Variants in ANKRD31 observed in about 807,000 individuals in gnomAD.
ANKRD31 encodes the protein ankyrin repeat domain-containing protein 31.
In ANKRD31, 147 loss-of-function variants were observed where a neutral mutation model predicts 186.0. The ratio of observed to expected loss-of-function variants is 0.79; its 90% confidence interval spans 0.69 to 0.91. The LOEUF is 0.91. Among genes scored for constraint, ANKRD31 ranks in the 40% least tolerant of loss-of-function variants. The pLI is 0.00. For synonymous variants in ANKRD31, 673 were observed against 736.4 expected, an observed-to-expected ratio of 0.91 and a Z score of 1.39; for missense variants, 1,986 against 2,148.8, an observed-to-expected ratio of 0.92 and a Z score of 1.50.
chr5:75,136,344 G>T, intron 17 of ANKRD31, among the ~76,000 whole-genome samples: 1 of 152,146 alleles, frequency 6.6e-6, no homozygotes, highest in East Asian at 1.9e-4. Flanking sequence ...CCATGAAAAA[G>T]TGGGTGAAGG....
intron 1 of ANKRD31, among the ~76,000 whole-genome samples, chr5:75,232,486 A>ATTCCTGACCTTCAGGTCTCGAC: frequency 6.6e-6 from 1 of 151,362 alleles, no homozygotes; most frequent in African/African-American, 2.4e-5. Flanking sequence ...CTAGTCTCGA[A>ATTCCTGACCTTCAGGTCTCGAC]CTCCTGACCT....
chr5:75,160,751 C>T (rs1018560474), intron 11 of ANKRD31, among the ~76,000 whole-genome samples: 58 of 152,244 alleles, frequency 3.8e-4, no homozygotes, highest in Admixed American at 1.9e-3. Context: ...GCGGGAGGGA[C>T]GCAGTGGGAG....
intron 10 of ANKRD31, among the ~76,000 whole-genome samples, chr5:75,188,099 T>G (rs1417938058): frequency 6.6e-6 from 1 of 152,122 alleles, no homozygotes; most frequent in African/African-American, 2.4e-5. Flanking sequence ...CTGCTGTACA[T>G]CTACCATTTC....
intron 17 of ANKRD31, among the ~76,000 whole-genome samples, chr5:75,134,071 C>G (rs61496617): frequency 1.3e-5 from 2 of 151,680 alleles, no homozygotes; most frequent in African/African-American, 4.8e-5. Flanking sequence ...CTGGAAAGAT[C>G]AAAATAGACA....
At chr5:75,151,534 T>C (rs141854978) in intron 12 of ANKRD31, among the ~76,000 whole-genome samples, 1 of 152,122 alleles carries the variant, frequency 6.6e-6, no homozygotes, top group East Asian at 1.9e-4. Flanking sequence ...AAGGACGTGT[T>C]TGTTTCACTT....
At chr5:75,227,566 A>G (rs1358514822) in intron 2 of ANKRD31, among the ~76,000 whole-genome samples, 2 of 152,188 alleles carry the variant, frequency 1.3e-5, no homozygotes, top group East Asian at 3.8e-4. Context: ...AAAATTAAAA[A>G]TTAAAAAAAG....
intron 22 of ANKRD31, among the ~76,000 whole-genome samples, chr5:75,098,605 G>A (rs1046979961): frequency 5.9e-5 from 9 of 151,850 alleles, no homozygotes; most frequent in African/African-American, 1.5e-4. Flanking sequence ...CTTTTATTTC[G>A]TTGAGCAGTG....
chr5:75,194,280 G>T (rs556952194), intron 7 of ANKRD31, among the ~76,000 whole-genome samples: 1 of 152,148 alleles, frequency 6.6e-6, no homozygotes, highest in Admixed American at 6.5e-5. Context: ...ACTTAAGAGG[G>T]TTTATTTTTT....
chr5:75,230,470 A>T, intron 2 of ANKRD31, 92 bp downstream of exon 2: 1 of 951,576 alleles, frequency 1.1e-6, no homozygotes, highest in South Asian at 1.9e-5. Context: ...CATTTTGCTT[A>T]AAGTCTCAGT....
chr5:75,084,142 T>A, intron 24 of ANKRD31, 130 bp downstream of exon 24: 1 of 709,108 alleles, frequency 1.4e-6, no homozygotes, highest in South Asian at 1.9e-5. Context: ...TTGTTCACCT[T>A]GAAATAGTTA....
intron 1 of ANKRD31, among the ~76,000 whole-genome samples, chr5:75,234,963 A>G (rs187599738): frequency 6.6e-6 from 1 of 152,242 alleles, no homozygotes; most frequent in East Asian, 1.9e-4. Context: ...GAAAAATCCC[A>G]TCATTTCCTC....
intron 2 of ANKRD31, among the ~76,000 whole-genome samples, chr5:75,229,864 C>CAAAAAA (rs1210080751): frequency 5.7e-4 from 21 of 37,140 alleles, no homozygotes; most frequent in South Asian, 1.3e-3. Flanking sequence ...GACTCTGTCT[C>CAAAAAA]AAAAAAAAAA....
intron 17 of ANKRD31, among the ~76,000 whole-genome samples, chr5:75,122,173 T>C (rs1194218790): frequency 6.6e-6 from 1 of 151,556 alleles, no homozygotes; most frequent in Non-Finnish European, 1.5e-5. Context: ...GACTCTACCA[T>C]ACACTCACAA....
At chr5:75,162,609 G>A (rs1752644744) in intron 11 of ANKRD31, among the ~76,000 whole-genome samples, 1 of 152,046 alleles carries the variant, frequency 6.6e-6, no homozygotes, top group Non-Finnish European at 1.5e-5. Context: ...ATTTAGGAGG[G>A]GTCAGGGGTG....
intron 23 of ANKRD31, among the ~76,000 whole-genome samples, 153 bp downstream of exon 23, chr5:75,091,108 A>T (rs1368942067): frequency 6.6e-6 from 1 of 152,276 alleles, no homozygotes; most frequent in African/African-American, 2.4e-5. Context: ...ACATGCATGT[A>T]GCATGATATG....
chr5:75,157,911 A>G lies in ANKRD31; in HGVS notation c.1708-3566T>C, dbSNP rs139718490. 2.1e-3 allele frequency among the ~76,000 whole-genome samples: 320 copies of G among 152,362 alleles called. 1 individual carries two copies. Among genetic ancestry groups the G allele is most frequent in the African/African-American group, 7.1e-3 (295 of 41,592 alleles). Reference sequence around the variant, plus strand: ...CACCTGCAAATGTATGCTACCCTTCAAAAGAAAAGAAAACACCAAGAACAG... The same window carrying G: ...CACCTGCAAATGTATGCTACCCTTCGAAAGAAAAGAAAACACCAAGAACAG... On this transcript the variant is annotated intron_variant, in intron 11 of 25. Transcript: ENST00000506364.
intron 10 of ANKRD31, among the ~76,000 whole-genome samples, chr5:75,174,105 C>T (rs1753577844): frequency 6.6e-6 from 1 of 152,094 alleles, no homozygotes; most frequent in Admixed American, 6.6e-5. Context: ...CTTTGACAAA[C>T]CTGACAAAAA....
intron 9 of ANKRD31, among the ~76,000 whole-genome samples, chr5:75,189,474 G>A (rs1024366753): frequency 6.6e-6 from 1 of 152,118 alleles, no homozygotes; most frequent in Non-Finnish European, 1.5e-5. Context: ...CTTAATGGAC[G>A]ACATATCAAC....
chr5:75,096,604 G>A (rs1000313658), intron 22 of ANKRD31, among the ~76,000 whole-genome samples: 7 of 151,842 alleles, frequency 4.6e-5, no homozygotes, highest in Non-Finnish European at 1.0e-4. Flanking sequence ...TGCCCCAAGT[G>A]GTATTGCCTA....
Sources: gnomAD v4.1 joint callset for allele counts (sites outside exome capture counted in the v4.1 genomes callset) on GRCh38, gnomAD v4.1.1 for gene constraint, MANE v1.5 for transcripts, NCBI Gene and HGNC (gene_info 2026-07-23, HGNC 2026-07-21) for gene names.